ALK: variants seen among roughly 807,000 people sequenced by gnomAD.
ALK encodes the protein ALK receptor tyrosine kinase.
ALK carries 74 observed loss-of-function variants against 163.1 expected under a neutral mutation model. That is an observed-to-expected ratio of 0.45 (90% CI 0.38 to 0.55). The LOEUF (loss-of-function observed/expected upper bound fraction) is 0.55, where lower values mean the gene tolerates loss of function less well. ALK is among the 20% of genes least tolerant of loss of function. ALK has a pLI of 0.00. For missense variants in ALK, 2,063 were observed against 2,105.3 expected (o/e 0.98, Z 0.39); for synonymous variants, 960 against 843.2 (o/e 1.14, Z -2.40).
intron 19 of ALK, among the ~76,000 whole-genome samples, chr2:29,225,230 C>T (rs1317131872): frequency 5.9e-5 from 9 of 152,098 alleles, no homozygotes; most frequent in Non-Finnish European, 7.4e-5. Context: ...AGGATACACA[C>T]GGGGCTGAGG....
chr2:29,640,669 A>G (rs1676676456), intron 3 of ALK, among the ~76,000 whole-genome samples: 1 of 152,208 alleles, frequency 6.6e-6, no homozygotes, highest in East Asian at 1.9e-4. Flanking sequence ...AAGATGGCCT[A>G]ATATACCAGG....
At chr2:29,689,167 C>G (rs1260944336) in intron 3 of ALK, among the ~76,000 whole-genome samples, 1 of 152,148 alleles carries the variant, frequency 6.6e-6, no homozygotes, top group East Asian at 1.9e-4. Flanking sequence ...GCAAATGAAG[C>G]CTGAACTCAG....
chr2:29,382,337 G>A (rs1254375565), intron 5 of ALK, among the ~76,000 whole-genome samples: 1 of 152,192 alleles, frequency 6.6e-6, no homozygotes, highest in Non-Finnish European at 1.5e-5. Context: ...TGCAACACAG[G>A]CTATGGGGGA....
chr2:29,567,842 TCC>T (rs1170100831), intron 3 of ALK, among the ~76,000 whole-genome samples: 1 of 152,210 alleles, frequency 6.6e-6, no homozygotes, highest in Non-Finnish European at 1.5e-5. Context: ...TTTTCTCAAT[TCC>T]AAGTTTAGTT....
rs1252915869 is a variant in ALK at position 29,227,347 on chromosome 2, AT to A, written c.2914+226del. ...GATCTTTAGGTTGGCTGGTGCAGGTATTGGGCTATTACTGTTACATTTCCTA... is the reference window on the plus strand; with the variant it reads ...GATCTTTAGGTTGGCTGGTGCAGGTATGGGCTATTACTGTTACATTTCCTA... On this transcript the variant is annotated intron_variant, in intron 17 of 28. Transcript: ENST00000389048. This position sits in a 1 kb window ranked among gnomAD's most constrained non-coding sequence, Gnocchi z 4.4. Among the ~76,000 whole-genome samples the A allele has an allele frequency of 1.3e-5, 2 of 152,150 alleles. No homozygotes were observed. The highest frequency in any genetic ancestry group is 2.9e-5 in the Non-Finnish European group (2 of 68,018).
At chr2:29,307,312 A>G (rs910922835) in intron 8 of ALK, among the ~76,000 whole-genome samples, 2 of 152,212 alleles carry the variant, frequency 1.3e-5, no homozygotes, top group African/African-American at 4.8e-5. Context: ...TCTTTCTTCA[A>G]ATTTCTGAAG....
chr2:29,669,768 CA>C (rs1285102906), intron 3 of ALK, among the ~76,000 whole-genome samples: 1 of 151,744 alleles, frequency 6.6e-6, no homozygotes, highest in African/African-American at 2.4e-5. Context: ...TAGGTTTTTA[CA>C]TTGTGATTAC....
chr2:29,273,026 C>G (rs1358597537), intron 11 of ALK, among the ~76,000 whole-genome samples: 2 of 152,210 alleles, frequency 1.3e-5, no homozygotes, highest in Admixed American at 6.5e-5. Flanking sequence ...GCTATGGGAC[C>G]ACGCTCTATG....
At chr2:29,248,287 C>G (rs1262392861) in intron 12 of ALK, among the ~76,000 whole-genome samples, 1 of 152,098 alleles carries the variant, frequency 6.6e-6, no homozygotes, top group African/African-American at 2.4e-5. Context: ...ACCAGCCTGG[C>G]CAACATGGTG....
intron 3 of ALK, among the ~76,000 whole-genome samples, chr2:29,595,393 T>A (rs1204879496): frequency 2.0e-5 from 3 of 149,596 alleles, no homozygotes; most frequent in Non-Finnish European, 4.4e-5. Flanking sequence ...CGATCTCGGC[T>A]CACTGCAAGC....
chr2:29,342,993 C>T (rs1667840152), intron 5 of ALK, among the ~76,000 whole-genome samples: 1 of 149,486 alleles, frequency 6.7e-6, no homozygotes, highest in African/African-American at 2.5e-5. Flanking sequence ...TGCCATTCTC[C>T]TGCCTCAGCC....
intron 5 of ALK, among the ~76,000 whole-genome samples, chr2:29,359,096 T>C (rs1239856007): frequency 1.1e-5 from 1 of 93,070 alleles, no homozygotes; most frequent in East Asian, 5.4e-4. Flanking sequence ...GTTCTTGCTA[T>C]GGTAATTAAA....
At chr2:29,356,235 T>G (rs1294855144) in intron 5 of ALK, among the ~76,000 whole-genome samples, 1 of 152,188 alleles carries the variant, frequency 6.6e-6, no homozygotes, top group African/African-American at 2.4e-5. Flanking sequence ...ATGCTGACAT[T>G]TTGCAAGTAT....
At chr2:29,436,286 T>A (rs1056173660) in intron 4 of ALK, among the ~76,000 whole-genome samples, 1 of 152,164 alleles carries the variant, frequency 6.6e-6, no homozygotes, top group East Asian at 1.9e-4. Flanking sequence ...AAATGTCAGC[T>A]GATATTGCCA....
chr2:29,751,478 T>C (rs1680365388), intron 1 of ALK, among the ~76,000 whole-genome samples: 1 of 152,128 alleles, frequency 6.6e-6, no homozygotes, highest in South Asian at 2.1e-4. Context: ...GCCTGCCCCA[T>C]GGTCTCGGGG....
intron 4 of ALK, among the ~76,000 whole-genome samples, chr2:29,520,673 A>G (rs1367410907): frequency 1.3e-5 from 2 of 152,182 alleles, no homozygotes; most frequent in Non-Finnish European, 2.9e-5. Flanking sequence ...ATGGTCGGGA[A>G]GGTGAGGGAA....
At chr2:29,760,354 T>G (rs1455507441) in intron 1 of ALK, among the ~76,000 whole-genome samples, 2 of 152,204 alleles carry the variant, frequency 1.3e-5, no homozygotes, top group African/African-American at 4.8e-5. Flanking sequence ...GGCCGCAGCT[T>G]CTTCATTTGT....
intron 1 of ALK, among the ~76,000 whole-genome samples, chr2:29,896,393 G>C (rs868155366): frequency 6.6e-6 from 1 of 152,132 alleles, no homozygotes; most frequent in Non-Finnish European, 1.5e-5. Flanking sequence ...TCCCCAATGT[G>C]ACTGCATTTG....
At chr2:29,762,493 T>C (rs1680736204) in intron 1 of ALK, among the ~76,000 whole-genome samples, 1 of 152,230 alleles carries the variant, frequency 6.6e-6, no homozygotes, top group Non-Finnish European at 1.5e-5. Flanking sequence ...GTGGAACAAC[T>C]TGTAGCCCTT....
Sources: allele counts gnomAD v4.1 joint callset (sites outside exome capture counted in the v4.1 genomes callset), GRCh38; gene constraint gnomAD v4.1.1; non-coding constraint Gnocchi (gnomAD v3.1); transcripts MANE v1.5; gene names NCBI Gene and HGNC (gene_info 2026-07-23, HGNC 2026-07-21).